The following GTF2F2 variants were observed in gnomAD, a reference collection of about 807,000 sequenced individuals.
GTF2F2 encodes general transcription factor IIF subunit 2.
A neutral mutation model predicts 42.2 loss-of-function variants in GTF2F2; 23 were observed. The ratio of observed to expected loss-of-function variants is 0.55; its 90% CI spans 0.39 to 0.77. The LOEUF (loss-of-function observed/expected upper bound fraction) is 0.77, where lower values mean the gene tolerates loss of function less well. Ranked by LOEUF, GTF2F2 falls within the 30% of genes least tolerant of loss-of-function variation. GTF2F2 has a pLI of 0.00. For missense variants in GTF2F2, 261 were observed against 287.2 expected (o/e 0.91, Z 0.66); for synonymous variants, 105 against 100.8 (o/e 1.04, Z -0.25).
intron 5 of GTF2F2, among the ~76,000 whole-genome samples, chr13:45,245,226 G>T (rs141654796): frequency 9.2e-5 from 14 of 152,284 alleles, no homozygotes; most frequent in African/African-American, 3.4e-4. Context: ...TTACAGAGAT[G>T]TAGTCTGTCT....
At chr13:45,249,858 G>A (rs988151029) in intron 5 of GTF2F2, among the ~76,000 whole-genome samples, 1 of 152,026 alleles carries the variant, frequency 6.6e-6, no homozygotes, top group African/African-American at 2.4e-5. Flanking sequence ...TTCAGAAACA[G>A]GCTGACACTT....
At position 45,283,619 on chromosome 13, in the gene GTF2F2, G is replaced by A. The variant is rs201054887; in HGVS notation, c.*58G>A. 6.7e-6 allele frequency: 10 copies of A among 1,482,030 alleles called. No individual in the cohort carries two copies. The highest frequency in any genetic ancestry group is 4.3e-5 in the African/African-American group (3 of 70,436). 91.8% of individuals were successfully genotyped at this position (1,482,030 alleles called of 1,614,324 possible). On this transcript the variant is annotated 3_prime_UTR_variant, in exon 8 of 8. Transcript: ENST00000340473. Reference sequence around the variant, plus strand: ...CTAGCAGCGATGCTATGCAAAAGGCGCTGATACTGGAAGGCTTGAACACCG... The same window carrying A: ...CTAGCAGCGATGCTATGCAAAAGGCACTGATACTGGAAGGCTTGAACACCG...
chr13:45,277,668 T>C (rs937523442), intron 7 of GTF2F2, among the ~76,000 whole-genome samples: 5 of 152,360 alleles, frequency 3.3e-5, no homozygotes, highest in East Asian at 1.9e-4. Context: ...CACTAACATC[T>C]TCATCAGTAA....
chr13:45,202,758 GC>G (rs1207065887), intron 4 of GTF2F2, among the ~76,000 whole-genome samples: 1 of 151,872 alleles, frequency 6.6e-6, no homozygotes, highest in African/African-American at 2.4e-5. Context: ...TTCAAGACCT[GC>G]CTGGTTACCA....
intron 4 of GTF2F2, among the ~76,000 whole-genome samples, chr13:45,179,867 A>G (rs1325311116): frequency 6.6e-6 from 1 of 152,228 alleles, no homozygotes; most frequent in Non-Finnish European, 1.5e-5. Flanking sequence ...ACAGATGAAA[A>G]AGAACTGAAG....
chr13:45,219,968 T>C (rs1874042832), intron 5 of GTF2F2, among the ~76,000 whole-genome samples: 1 of 152,168 alleles, frequency 6.6e-6, no homozygotes, highest in Admixed American at 6.6e-5. Context: ...GTGGTGAGGT[T>C]ACATAAAACA....
intron 6 of GTF2F2, among the ~76,000 whole-genome samples, chr13:45,264,953 A>G (rs1485809073): frequency 6.6e-6 from 1 of 152,126 alleles, no homozygotes; most frequent in Non-Finnish European, 1.5e-5. Flanking sequence ...CTTCTCTGCT[A>G]TTTCCTGAAT....
At chr13:45,157,284 A>G (rs1021137009) in intron 4 of GTF2F2, among the ~76,000 whole-genome samples, 1 of 152,172 alleles carries the variant, frequency 6.6e-6, no homozygotes, top group African/African-American at 2.4e-5. Context: ...GTAGTGGGCT[A>G]ATTAGGTTAG....
chr13:45,163,209 C>T (rs1871118803), intron 4 of GTF2F2, among the ~76,000 whole-genome samples: 1 of 152,118 alleles, frequency 6.6e-6, no homozygotes, highest in Non-Finnish European at 1.5e-5. Flanking sequence ...TTTTGATTTT[C>T]TGTAGCTTCC....
chr13:45,269,518 TC>T (rs972670654), intron 7 of GTF2F2, among the ~76,000 whole-genome samples: 1 of 152,122 alleles, frequency 6.6e-6, no homozygotes, highest in Non-Finnish European at 1.5e-5. Context: ...TAGGCAACTA[TC>T]CCCCTTTAAA....
intron 1 of GTF2F2, among the ~76,000 whole-genome samples, chr13:45,132,676 G>A (rs1421481564): frequency 6.6e-6 from 1 of 151,992 alleles, no homozygotes; most frequent in East Asian, 1.9e-4. Context: ...ACAAGTGGAG[G>A]GATTGGCCAT....
At chr13:45,188,052 C>A (rs752804461) in intron 4 of GTF2F2, among the ~76,000 whole-genome samples, 30 of 152,074 alleles carry the variant, frequency 2.0e-4, no homozygotes, top group Non-Finnish European at 3.4e-4. Context: ...ATTACAGGCA[C>A]GCACCACCAT....
chr13:45,246,926 TA>T (rs1385310948), intron 5 of GTF2F2, among the ~76,000 whole-genome samples: 1 of 151,566 alleles, frequency 6.6e-6, no homozygotes, highest in African/African-American at 2.4e-5. Context: ...TAGTCCCAGC[TA>T]CTTGGGAAGA....
chr13:45,261,905 T>TA (rs1295662828), intron 6 of GTF2F2, among the ~76,000 whole-genome samples: 9 of 152,260 alleles, frequency 5.9e-5, no homozygotes, highest in Non-Finnish European at 1.2e-4. Flanking sequence ...TGTTTAGTTT[T>TA]AAAAAATTAC....
At chr13:45,279,291 C>T (rs1052982215) in intron 7 of GTF2F2, among the ~76,000 whole-genome samples, 1 of 152,170 alleles carries the variant, frequency 6.6e-6, no homozygotes, top group Non-Finnish European at 1.5e-5. Context: ...AAGTAATTTT[C>T]AATCCTGGTA....
chr13:45,198,334 G>A (rs1873004584), intron 4 of GTF2F2, among the ~76,000 whole-genome samples: 2 of 152,188 alleles, frequency 1.3e-5, no homozygotes, highest in Non-Finnish European at 1.5e-5. Context: ...CCATTTATAT[G>A]CCAGAGATAC....
At chr13:45,187,415 A>C (rs1318563981) in intron 4 of GTF2F2, among the ~76,000 whole-genome samples, 2 of 152,222 alleles carry the variant, frequency 1.3e-5, no homozygotes, top group African/African-American at 4.8e-5. Flanking sequence ...AGTTTTATTA[A>C]ATATAGGTCA....
chr13:45,173,806 A>C (rs1188625623), intron 4 of GTF2F2, among the ~76,000 whole-genome samples: 2 of 151,322 alleles, frequency 1.3e-5, no homozygotes, highest in African/African-American at 2.4e-5. Context: ...TTTAGTAGAG[A>C]TGGGGTTTCA....
At chr13:45,123,865 CCCCT>C in intron 1 of GTF2F2, 1 of 316,388 alleles carries the variant, frequency 3.2e-6, no homozygotes, top group Non-Finnish European at 5.8e-6. Flanking sequence ...GCTCCCTAGG[CCCCT>C]CCCTCTTCAG....
Sources: gnomAD v4.1 joint callset for allele counts (sites outside exome capture counted in the v4.1 genomes callset) on GRCh38, gnomAD v4.1.1 for gene constraint, MANE v1.5 for transcripts, NCBI Gene and HGNC (gene_info 2026-07-23, HGNC 2026-07-21) for gene names.